TMTC2: variants seen among roughly 807,000 people sequenced by gnomAD.
TMTC2 encodes transmembrane O-mannosyltransferase targeting cadherins 2.
A neutral mutation model predicts 82.4 loss-of-function variants in TMTC2; 43 were observed. The ratio of observed to expected loss-of-function variants is 0.52; its 90% CI spans 0.41 to 0.67. TMTC2 has a LOEUF of 0.67. TMTC2 is among the 30% of genes least tolerant of loss of function. TMTC2 has a pLI of 0.00. For synonymous variants in TMTC2, 408 were observed against 381.9 expected (o/e 1.07, Z -0.80); for missense variants, 919 against 1,012.4 (o/e 0.91, Z 1.25).
chr12:82,761,043 T>G (rs2136979693), intron 1 of TMTC2: 1 of 155,068 alleles, frequency 6.4e-6, no homozygotes, highest in African/African-American at 2.4e-5. Flanking sequence ...GCTCCCAAGC[T>G]TGTGGAAAAA....
intron 1 of TMTC2, among the ~76,000 whole-genome samples, chr12:82,731,699 T>C (rs1185034750): frequency 6.6e-6 from 1 of 152,232 alleles, no homozygotes; most frequent in Non-Finnish European, 1.5e-5. Context: ...ATGTCTTCAA[T>C]ACACAGTCTA....
At position 82,994,284 on chromosome 12, in the gene TMTC2, G is replaced by A. The variant is rs534094551; in HGVS notation, c.2070+8238G>A. On this transcript the variant is annotated intron_variant, in intron 8 of 11. Coordinates refer to ENST00000321196, the MANE Select transcript of TMTC2 (RefSeq NM_152588.3). ...TTCTCGTGCCTCAGCCTCTGAAGTA[G>A]CTGGGACTACAGGTGCCCGCTACCG... Among the ~76,000 whole-genome samples the A allele has an allele frequency of 7.9e-4, 121 of 152,234 alleles. 1 individual carries two copies. In the South Asian group the frequency reaches 0.025, roughly 31 times the overall value.
chr12:83,001,756 C>T (rs113807415), intron 8 of TMTC2, among the ~76,000 whole-genome samples: 3 of 151,616 alleles, frequency 2.0e-5, no homozygotes, highest in East Asian at 1.9e-4. Context: ...CCATCAGTCT[C>T]TGCTGAAACA....
At chr12:82,907,349 A>G (rs866888909) in intron 3 of TMTC2, among the ~76,000 whole-genome samples, 68 of 151,834 alleles carry the variant, frequency 4.5e-4, no homozygotes, top group Middle Eastern at 6.8e-3. Context: ...TATAGTCCCA[A>G]CTACTCAGGA....
At chr12:82,770,744 C>T (rs1418679886) in intron 1 of TMTC2, among the ~76,000 whole-genome samples, 2 of 152,134 alleles carry the variant, frequency 1.3e-5, no homozygotes, top group African/African-American at 4.8e-5. Context: ...TCTTCAGCCT[C>T]TGGAGTTGCT....
At chr12:82,741,309 C>T (rs1231155308) in intron 1 of TMTC2, among the ~76,000 whole-genome samples, 1 of 152,100 alleles carries the variant, frequency 6.6e-6, no homozygotes, top group East Asian at 1.9e-4. Flanking sequence ...GAGAAAAAGT[C>T]GGAGCTTTTT....
intron 7 of TMTC2, among the ~76,000 whole-genome samples, chr12:82,968,352 A>G (rs1447219630): frequency 6.6e-6 from 1 of 152,206 alleles, no homozygotes. Flanking sequence ...CAATCTGTCT[A>G]TATGAATAAA....
At chr12:82,974,946 G>C (rs143458695) in intron 7 of TMTC2, among the ~76,000 whole-genome samples, 1 of 152,220 alleles carries the variant, frequency 6.6e-6, no homozygotes, top group Non-Finnish European at 1.5e-5. Context: ...GAGAGAGAGA[G>C]AGTGACCTTT....
intron 1 of TMTC2, among the ~76,000 whole-genome samples, chr12:82,757,043 C>G (rs2136974414): frequency 6.6e-6 from 1 of 152,214 alleles, no homozygotes; most frequent in Admixed American, 6.5e-5. Context: ...GTGAAAAACC[C>G]CTGGTATTCT....
intron 1 of TMTC2, among the ~76,000 whole-genome samples, chr12:82,852,748 T>G (rs1252166260): frequency 1.3e-5 from 2 of 152,202 alleles, no homozygotes; most frequent in African/African-American, 4.8e-5. Flanking sequence ...CCCTTTTTCT[T>G]ATTTTGCTGG....
intron 11 of TMTC2, among the ~76,000 whole-genome samples, chr12:83,065,861 T>C (rs535234113): frequency 6.6e-6 from 1 of 152,144 alleles, no homozygotes; most frequent in African/African-American, 2.4e-5. Flanking sequence ...ATGGGAAATT[T>C]GCATACTACA....
In TMTC2 at chr12:83,130,696, G is replaced by A. The variant is rs377003057; in HGVS notation, c.2332-1514G>A. On this transcript the variant is annotated intron_variant, in intron 11 of 11. Transcript: ENST00000321196. ...CAAACATGTATGTGCTAGACTTCAA[G>A]CAAAATGAGATAAGGAAAATTGATC... is the stretch of plus-strand genomic sequence containing the variant. Among the ~76,000 whole-genome samples, 149 of 152,246 alleles carry A rather than the reference G, an allele frequency of 9.8e-4. 1 individual carries two copies. Among genetic ancestry groups the A allele is most frequent in the African/African-American group, 3.3e-3 (136 of 41,554 alleles).
chr12:82,968,966 T>G (rs1416303978), intron 7 of TMTC2, among the ~76,000 whole-genome samples: 1 of 152,184 alleles, frequency 6.6e-6, no homozygotes, highest in African/African-American at 2.4e-5. Context: ...TCTATTTAAT[T>G]TTATGTGAAG....
chr12:82,904,189 A>G (rs530106385), intron 3 of TMTC2, among the ~76,000 whole-genome samples: 132 of 148,590 alleles, frequency 8.9e-4, no homozygotes, highest in Non-Finnish European at 1.7e-3. Flanking sequence ...AACATTAGAA[A>G]CCCTATAAAG....
intron 8 of TMTC2, among the ~76,000 whole-genome samples, chr12:83,009,502 C>A (rs2137383268): frequency 6.6e-6 from 1 of 152,280 alleles, no homozygotes; most frequent in Non-Finnish European, 1.5e-5. Flanking sequence ...TTTCTCTCCA[C>A]ATTGTAGGGT....
chr12:82,896,218 A>C lies in TMTC2; in HGVS notation c.1055A>C (p.His352Pro), dbSNP rs770428740. ...AATGGCAAGCAGAATGCAAATGGAC[A>C]TAGCTGCCTTTCAGATGTGGAGTAC... ...VTNGKQNANG[H>P]SCLSDVEYQN... The change falls in exon 3 of 12, where the codon CAT (histidine) becomes CCT (proline). Residue 352 changes from histidine to proline, a missense_variant. Transcript: ENST00000321196. 1.2e-6 allele frequency: 2 copies of C among 1,614,146 alleles called. No homozygotes were observed. Among genetic ancestry groups the C allele is most frequent in the East Asian group, 4.5e-5 (2 of 44,878 alleles).
chr12:82,778,693 C>CA (rs1481613555), intron 1 of TMTC2, among the ~76,000 whole-genome samples: 15 of 151,446 alleles, frequency 9.9e-5, no homozygotes, highest in African/African-American at 3.4e-4. Context: ...ACTAAAAATA[C>CA]AAAAAATTAG....
At chr12:82,782,232 A>C (rs1322789598) in intron 1 of TMTC2, among the ~76,000 whole-genome samples, 1 of 152,144 alleles carries the variant, frequency 6.6e-6, no homozygotes, top group Non-Finnish European at 1.5e-5. Flanking sequence ...GGGTAAAGAT[A>C]GGGCAAGAGT....
chr12:83,038,152 G>C (rs1881742549), intron 9 of TMTC2, among the ~76,000 whole-genome samples: 1 of 111,088 alleles, frequency 9.0e-6, no homozygotes, highest in African/African-American at 3.4e-5. Flanking sequence ...TGGGGGGAGG[G>C]GGGAGGGATA....
Sources: gnomAD v4.1 joint callset for allele counts (sites outside exome capture counted in the v4.1 genomes callset) on GRCh38, gnomAD v4.1.1 for gene constraint, MANE v1.5 for transcripts, NCBI Gene and HGNC (gene_info 2026-07-23, HGNC 2026-07-21) for gene names.